Variants in DLG2 observed in about 807,000 individuals in gnomAD.
The protein encoded by DLG2 is discs large MAGUK scaffold protein 2.
DLG2 carries 45 observed loss-of-function variants against 132.5 expected under a neutral mutation model. The observed-to-expected ratio is 0.34, with a 90% CI of 0.27 to 0.44. The LOEUF (loss-of-function observed/expected upper bound fraction) is 0.44. Ranked by LOEUF, DLG2 falls within the 20% of genes least tolerant of loss-of-function variation. The pLI, the probability that DLG2 is intolerant of heterozygous loss-of-function variation, is 1.00. For synonymous variants in DLG2, 424 were observed against 419.6 expected, an observed-to-expected ratio of 1.01 and a Z score of -0.13; for missense variants, 1,045 against 1,196.9, an observed-to-expected ratio of 0.87 and a Z score of 1.87.
At chr11:84,425,597 CA>C (rs1177291464) in intron 7 of DLG2, among the ~76,000 whole-genome samples, 1 of 151,974 alleles carries the variant, frequency 6.6e-6, no homozygotes, top group African/African-American at 2.4e-5. Context: ...ACATGATATT[CA>C]AAATGTTATA....
intron 7 of DLG2, among the ~76,000 whole-genome samples, chr11:84,398,225 G>A (rs2098817408): frequency 6.6e-6 from 1 of 152,198 alleles, no homozygotes; most frequent in Non-Finnish European, 1.5e-5. Context: ...ATCACCTGCA[G>A]AGGGAGTGCT....
chr11:85,578,102 C>T (rs2078268218), intron 3 of DLG2, among the ~76,000 whole-genome samples: 1 of 152,130 alleles, frequency 6.6e-6, no homozygotes, highest in Non-Finnish European at 1.5e-5. Context: ...CTACCACAAT[C>T]TGATCTTCGA....
At chr11:84,805,057 G>A (rs763763509) in intron 6 of DLG2, among the ~76,000 whole-genome samples, 23 of 152,120 alleles carry the variant, frequency 1.5e-4, no homozygotes, top group Non-Finnish European at 3.1e-4. Flanking sequence ...CTGCCCAAGA[G>A]TAAAAGTATT....
At chr11:84,031,644 T>C (rs1398406578) in intron 11 of DLG2, among the ~76,000 whole-genome samples, 2 of 152,184 alleles carry the variant, frequency 1.3e-5, no homozygotes, top group East Asian at 1.9e-4. Flanking sequence ...GATCTAAACA[T>C]TTGTTACACA....
At chr11:84,216,866 T>A (rs1180985504) in intron 8 of DLG2, among the ~76,000 whole-genome samples, 3 of 152,178 alleles carry the variant, frequency 2.0e-5, no homozygotes, top group Non-Finnish European at 4.4e-5. Context: ...ATAAATAAAG[T>A]GTATTTGTTT....
At chr11:84,578,691 G>C (rs1004515614) in intron 6 of DLG2, among the ~76,000 whole-genome samples, 2 of 152,154 alleles carry the variant, frequency 1.3e-5, no homozygotes, top group Non-Finnish European at 2.9e-5. Flanking sequence ...CCTTGTCTCA[G>C]ATGAGACTTT....
At chr11:83,604,319 C>T (rs1052490460) in intron 19 of DLG2, among the ~76,000 whole-genome samples, 2 of 152,122 alleles carry the variant, frequency 1.3e-5, no homozygotes, top group Non-Finnish European at 1.5e-5. Context: ...CCAGCACAGG[C>T]AAATGTTACC....
chr11:84,811,727 A>G (rs890471418), intron 6 of DLG2, among the ~76,000 whole-genome samples: 4 of 152,184 alleles, frequency 2.6e-5, no homozygotes, highest in Admixed American at 1.3e-4. Flanking sequence ...ATTTATTTAA[A>G]AAATATGTAC....
chr11:84,906,239 GTT>G (rs113738126), intron 6 of DLG2, among the ~76,000 whole-genome samples: 112 of 131,542 alleles, frequency 8.5e-4, no homozygotes, highest in Non-Finnish European at 8.3e-4. Flanking sequence ...TGGTTTTTTT[GTT>G]TTTTTTTTTT....
At chr11:84,002,141 A>C (rs1023954453) in intron 11 of DLG2, among the ~76,000 whole-genome samples, 9 of 152,220 alleles carry the variant, frequency 5.9e-5, no homozygotes, top group African/African-American at 2.2e-4. Flanking sequence ...TTCTTCAGAA[A>C]GAGAAAATTG....
At chr11:85,214,867 G>A (rs1046901576) in intron 4 of DLG2, among the ~76,000 whole-genome samples, 1 of 152,102 alleles carries the variant, frequency 6.6e-6, no homozygotes, top group African/African-American at 2.4e-5. Context: ...TTATTTGCCT[G>A]GGTGCTCTGA....
chr11:84,717,341 T>C (rs2061345446), intron 6 of DLG2, among the ~76,000 whole-genome samples: 1 of 152,066 alleles, frequency 6.6e-6, no homozygotes, highest in South Asian at 2.1e-4. Flanking sequence ...TTAAATCCCA[T>C]TTTAATTACT....
intron 6 of DLG2, among the ~76,000 whole-genome samples, chr11:85,028,726 C>T (rs762698950): frequency 1.3e-5 from 2 of 152,170 alleles, no homozygotes; most frequent in South Asian, 4.1e-4. Context: ...ACTTCTGAGC[C>T]TGTGGGGGCC....
intron 7 of DLG2, among the ~76,000 whole-genome samples, chr11:84,314,545 A>T (rs2154393880): frequency 6.6e-6 from 1 of 152,294 alleles, no homozygotes; most frequent in Non-Finnish European, 1.5e-5. Context: ...AAATATACAT[A>T]TATCAGTAGT....
At chr11:85,274,724 C>T (rs2077777633) in intron 4 of DLG2, among the ~76,000 whole-genome samples, 2 of 152,106 alleles carry the variant, frequency 1.3e-5, no homozygotes, top group African/African-American at 4.8e-5. Flanking sequence ...CAAAGCCAGC[C>T]ATAAAACCTT....
intron 6 of DLG2, among the ~76,000 whole-genome samples, chr11:84,939,128 T>C (rs933087426): frequency 6.6e-6 from 1 of 152,118 alleles, no homozygotes; most frequent in African/African-American, 2.4e-5. Context: ...AGTGACCTTA[T>C]ACAACTTTGA....
At chr11:84,720,595 G>A in intron 6 of DLG2, 8 of 511,498 alleles carry the variant, frequency 1.6e-5, no homozygotes, top group Non-Finnish European at 2.0e-5. Context: ...CCTGGGGAAC[G>A]AGGCGTGTGG....
At chr11:84,597,181 C>A (rs568770161) in intron 6 of DLG2, among the ~76,000 whole-genome samples, 1 of 152,002 alleles carries the variant, frequency 6.6e-6, no homozygotes, top group Non-Finnish European at 1.5e-5. Flanking sequence ...GATTGCGCCA[C>A]TGCACTCCAG....
chr11:84,274,733 C>A (rs980541738), intron 7 of DLG2, among the ~76,000 whole-genome samples: 3 of 152,176 alleles, frequency 2.0e-5, no homozygotes, highest in African/African-American at 4.8e-5. Context: ...TAAATTTTAC[C>A]TAATTTGTAG....
Sources: allele counts gnomAD v4.1 joint callset (sites outside exome capture counted in the v4.1 genomes callset), GRCh38; gene constraint gnomAD v4.1.1; transcripts MANE v1.5; gene names NCBI Gene and HGNC (gene_info 2026-07-23, HGNC 2026-07-21).